NRXN3: variants seen among roughly 807,000 people sequenced by gnomAD.
NRXN3 encodes neurexin III.
NRXN3 carries 32 observed loss-of-function variants against 137.6 expected under a neutral mutation model. The ratio of observed to expected loss-of-function variants is 0.23; its 90% CI spans 0.18 to 0.31. The LOEUF (loss-of-function observed/expected upper bound fraction) is 0.31. Ranked by LOEUF, NRXN3 falls within the 10% of genes least tolerant of loss-of-function variation. The pLI is 1.00. For synonymous variants in NRXN3, 798 were observed against 784.5 expected (o/e 1.02, Z -0.29); for missense variants, 1,574 against 2,062.5 (o/e 0.76, Z 4.59).
chr14:79,815,851 CT>C, intron 20 of NRXN3, among the ~76,000 whole-genome samples: 2 of 152,198 alleles, frequency 1.3e-5, no homozygotes, highest in Admixed American at 6.5e-5. Flanking sequence ...CGTCAAGAAC[CT>C]CATAGATAAT....
rs531898998 is a variant in NRXN3, at chr14:79,711,793, G to T, written c.4014+13856G>T. On this transcript the variant is annotated intron_variant, in intron 19 of 20. Coordinates refer to ENST00000335750, the MANE Select transcript of NRXN3 (RefSeq NM_001330195.2). ...CCAAGGTCAAGCCCCTTCCTGAAGG[G>T]TGGCCCATATCCAATTAATGATGGT... Among the ~76,000 whole-genome samples, 5 of 152,186 alleles carry T rather than the reference G, an allele frequency of 3.3e-5. No homozygotes were observed. In the South Asian group the frequency reaches 1.0e-3, roughly 32 times the overall value.
intron 15 of NRXN3, among the ~76,000 whole-genome samples, chr14:79,305,612 A>G (rs1023915722): frequency 9.2e-5 from 14 of 152,078 alleles, no homozygotes; most frequent in African/African-American, 2.9e-4. Flanking sequence ...GAGGGCTAGA[A>G]CCCCGGGGAT....
chr14:78,817,892 T>A (rs2098938935), intron 10 of NRXN3, among the ~76,000 whole-genome samples: 1 of 152,042 alleles, frequency 6.6e-6, no homozygotes, highest in African/African-American at 2.4e-5. Flanking sequence ...GGGGGGAACA[T>A]ACCATATCCA....
intron 16 of NRXN3, among the ~76,000 whole-genome samples, chr14:79,491,943 A>T (rs182454130): frequency 6.6e-6 from 1 of 152,358 alleles, no homozygotes; most frequent in Admixed American, 6.5e-5. Flanking sequence ...ATTCTCTGAC[A>T]AACATAACCA....
chr14:78,612,513 A>T lies in NRXN3; in HGVS notation c.758-32607A>T, dbSNP rs544985559. Among the ~76,000 whole-genome samples the T allele has an allele frequency of 2.0e-5, 3 of 152,286 alleles. No individual in the cohort carries two copies. In the East Asian group the frequency reaches 5.8e-4, roughly 29 times the overall value. On this transcript the variant is annotated intron_variant, in intron 4 of 20. Transcript: ENST00000335750. ...CCCAGCAAATATTTTTTAACCTGGG[A>T]TCTCTGAGCCCCTTGAAAACATGTG... is the stretch of plus-strand genomic sequence containing the variant.
chr14:79,814,200 C>G (rs1445172944), intron 20 of NRXN3, among the ~76,000 whole-genome samples: 2 of 152,198 alleles, frequency 1.3e-5, no homozygotes, highest in South Asian at 4.1e-4. Context: ...GAGCTGCTCT[C>G]GCAGCATCTC....
intron 1 of NRXN3, among the ~76,000 whole-genome samples, chr14:78,192,030 C>A (rs1343083536): frequency 2.0e-5 from 3 of 151,186 alleles, no homozygotes; most frequent in Non-Finnish European, 2.9e-5. Flanking sequence ...TTGGAGAGAT[C>A]TGAGCTATAT....
At position 79,029,256 on chromosome 14, in the gene NRXN3, A is replaced by G. The variant is rs142378583; in HGVS notation, c.3262+41115A>G. Among the ~76,000 whole-genome samples, 305 of 152,254 alleles carry G rather than the reference A, an allele frequency of 2.0e-3. 6 individuals are homozygous for G. The East Asian group carries it at 0.053, about 27-fold the overall frequency. ...CCCCAGGGTATCAAAAGAAGTCTCCAATTAATTTGTAGCCAGTGTAACCAT... is the reference window on the plus strand; with the variant it reads ...CCCCAGGGTATCAAAAGAAGTCTCCGATTAATTTGTAGCCAGTGTAACCAT... On this transcript the variant is annotated intron_variant, in intron 15 of 20. Coordinates refer to ENST00000335750, the MANE Select transcript of NRXN3 (RefSeq NM_001330195.2).
At chr14:78,815,463 G>A (rs1567395852) in intron 10 of NRXN3, among the ~76,000 whole-genome samples, 1 of 126,770 alleles carries the variant, frequency 7.9e-6, no homozygotes, top group Non-Finnish European at 1.6e-5. Flanking sequence ...GACTTGCTTG[G>A]ATAATTTGTT....
intron 8 of NRXN3, among the ~76,000 whole-genome samples, chr14:78,762,170 T>C (rs988554778): frequency 6.6e-6 from 1 of 152,242 alleles, no homozygotes; most frequent in African/African-American, 2.4e-5. Context: ...TGTGTCATTG[T>C]GTATGCATGA....
At chr14:78,780,349 A>C (rs1595795728) in intron 8 of NRXN3, among the ~76,000 whole-genome samples, 1 of 152,206 alleles carries the variant, frequency 6.6e-6, no homozygotes, top group East Asian at 1.9e-4. Flanking sequence ...AAACTTTAAA[A>C]TTTTTATAAG....
At chr14:78,348,481 C>T (rs2083046684) in intron 4 of NRXN3, among the ~76,000 whole-genome samples, 2 of 152,226 alleles carry the variant, frequency 1.3e-5, no homozygotes, top group African/African-American at 4.8e-5. Context: ...CACTGCTCAT[C>T]TCACTAGGTG....
intron 1 of NRXN3, among the ~76,000 whole-genome samples, chr14:78,237,808 C>T (rs1394730016): frequency 6.6e-6 from 1 of 152,128 alleles, no homozygotes; most frequent in Non-Finnish European, 1.5e-5. Context: ...GAACATGGGG[C>T]AAAACCACCA....
intron 16 of NRXN3, among the ~76,000 whole-genome samples, chr14:79,593,126 AG>A (rs2097823426): frequency 1.3e-5 from 2 of 152,102 alleles, no homozygotes; most frequent in African/African-American, 4.8e-5. Context: ...CCCTTTTCAT[AG>A]AGAATCATTG....
At chr14:78,186,896 G>T (rs2060276139) in intron 1 of NRXN3, among the ~76,000 whole-genome samples, 1 of 152,200 alleles carries the variant, frequency 6.6e-6, no homozygotes, top group African/African-American at 2.4e-5. Flanking sequence ...AAAAAGCTTT[G>T]ATTATCAGCT....
intron 10 of NRXN3, among the ~76,000 whole-genome samples, chr14:78,870,634 TCTAA>T (rs1289074829): frequency 2.0e-5 from 3 of 152,098 alleles, no homozygotes; most frequent in South Asian, 2.1e-4. Context: ...ATTCCTTCTA[TCTAA>T]CTGTGTTTTC....
At chr14:79,336,881 T>C (rs2092299056) in intron 15 of NRXN3, among the ~76,000 whole-genome samples, 1 of 152,176 alleles carries the variant, frequency 6.6e-6, no homozygotes, top group African/African-American at 2.4e-5. Context: ...ACATCTTACA[T>C]ATTTTACTAT....
intron 4 of NRXN3, among the ~76,000 whole-genome samples, chr14:78,409,842 C>T (rs2092717063): frequency 1.3e-5 from 2 of 152,200 alleles, no homozygotes; most frequent in South Asian, 4.1e-4. Context: ...GAAAACCCAA[C>T]CCAAACTGCC....
rs28589689 is a variant in NRXN3 at position 79,804,038 on chromosome 14, A to C, written c.4015-1074A>C. On this transcript the variant is annotated intron_variant, in intron 19 of 20. Transcript: ENST00000335750. ...ATGTCTAGGACAGCATCTGGCTTGT[A>C]GTAATTGCTCAATAGAAGGGGAGTG... 6.3e-3 allele frequency among the ~76,000 whole-genome samples: 947 copies of C among 151,004 alleles called. 10 individuals are homozygous for C. Among genetic ancestry groups the C allele is most frequent in the African/African-American group, 0.022 (919 of 41,160 alleles).
Sources: gnomAD v4.1 joint callset for allele counts (sites outside exome capture counted in the v4.1 genomes callset) on GRCh38, gnomAD v4.1.1 for gene constraint, MANE v1.5 for transcripts, NCBI Gene and HGNC (gene_info 2026-07-23, HGNC 2026-07-21) for gene names.